Variants in DYNC2I1 observed in about 807,000 individuals in gnomAD.
DYNC2I1 encodes cytoplasmic dynein 2 intermediate chain 1.
Under a neutral mutation model 133.4 loss-of-function variants are expected in DYNC2I1, and 89 were observed. That is an observed-to-expected ratio of 0.67 (90% CI 0.56 to 0.80). The LOEUF (loss-of-function observed/expected upper bound fraction) is 0.80, where lower values mean the gene tolerates loss of function less well. DYNC2I1 is among the 30% of genes least tolerant of loss of function. The pLI, the probability that DYNC2I1 is intolerant of heterozygous loss-of-function variation, is 0.00. For synonymous variants in DYNC2I1, 504 were observed against 484.3 expected, an observed-to-expected ratio of 1.04 and a Z score of -0.54; for missense variants, 1,291 against 1,314.5, an observed-to-expected ratio of 0.98 and a Z score of 0.28.
the DYNC2I1 span, among the ~76,000 whole-genome samples, chr7:158,851,289 T>C: frequency 6.6e-6 from 1 of 152,074 alleles, no homozygotes; most frequent in Admixed American, 6.6e-5. Flanking sequence ...TCACAGCACT[T>C]TGGGAGGCCC....
the DYNC2I1 span, among the ~76,000 whole-genome samples, chr7:158,849,300 A>C: frequency 6.6e-6 from 1 of 152,226 alleles, no homozygotes; most frequent in South Asian, 2.1e-4. Context: ...TGTCATATGA[A>C]AATAGATATT....
Position 158,942,038 on chromosome 7 carries a change from A to G in DYNC2I1, c.2892A>G (p.Pro964=). The G allele has an allele frequency of 6.2e-7, 1 of 1,613,408 alleles. No homozygotes were observed. The highest frequency in any genetic ancestry group is 8.5e-7 in the Non-Finnish European group (1 of 1,179,738). ...CGGTCACCGGCCTGCAGTGGTCCCC[A>G]ACCAGGCCTGCCGTGTTCCTGGTGC... is the stretch of plus-strand genomic sequence containing the variant. ...SHAVTGLQWS[P]TRPAVFLVQD... is the part of the protein sequence containing the mutation. Residue 964 remains proline (P), a synonymous_variant, in exon 24 of 25, where the codon CCA becomes CCG. Coordinates refer to ENST00000407559, the MANE Select transcript of DYNC2I1 (RefSeq NM_018051.5).
chr7:158,925,891 G>A (rs560981956), intron 17 of DYNC2I1, among the ~76,000 whole-genome samples: 5 of 152,162 alleles, frequency 3.3e-5, no homozygotes, highest in African/African-American at 9.6e-5. Context: ...GTTTTCTTTC[G>A]GGCTGTGTGG....
chr7:158,868,587 G>A (rs1842616817), intron 1 of DYNC2I1, among the ~76,000 whole-genome samples: 2 of 152,378 alleles, frequency 1.3e-5, no homozygotes, highest in South Asian at 2.1e-4. Context: ...TGTGCGAGGA[G>A]CTTGGTGTGT....
chr7:158,862,441 A>G (rs1018481504), intron 1 of DYNC2I1, among the ~76,000 whole-genome samples: 6 of 150,238 alleles, frequency 4.0e-5, no homozygotes, highest in South Asian at 2.1e-4. Context: ...ATTTATGGCT[A>G]TTGGCCAGGT....
intron 8 of DYNC2I1, among the ~76,000 whole-genome samples, chr7:158,896,748 C>G (rs1362449477): frequency 6.6e-6 from 1 of 152,124 alleles, no homozygotes; most frequent in African/African-American, 2.4e-5. Context: ...GCTGGGATTA[C>G]AGGTGTGAGC....
At chr7:158,934,285 C>T in intron 22 of DYNC2I1, 57 bp downstream of exon 22, 1 of 1,554,068 alleles carries the variant, frequency 6.4e-7, no homozygotes, top group Non-Finnish European at 8.7e-7. Flanking sequence ...TCCTGACTTA[C>T]CTGATAAATA....
the DYNC2I1 span, among the ~76,000 whole-genome samples, chr7:158,850,740 G>A: frequency 3.3e-5 from 5 of 152,172 alleles, no homozygotes; most frequent in African/African-American, 4.8e-5. Context: ...GCTTGCTTTG[G>A]AATGTTAACT....
intron 13 of DYNC2I1, 30 bp downstream of exon 13, chr7:158,913,126 T>G (rs777201943): frequency 6.8e-7 from 1 of 1,475,230 alleles, no homozygotes; most frequent in South Asian, 1.2e-5. Flanking sequence ...TGTTGACCAT[T>G]GACTCTCTTT....
At chr7:158,898,154 A>G (rs1307607879) in intron 8 of DYNC2I1, among the ~76,000 whole-genome samples, 1 of 152,194 alleles carries the variant, frequency 6.6e-6, no homozygotes, top group Non-Finnish European at 1.5e-5. Flanking sequence ...TTTATGGCCC[A>G]GAATATGGGC....
rs757765020 is a variant in DYNC2I1 at position 158,906,070 on chromosome 7, G to A, written c.1439G>A (p.Arg480Gln). The change falls in exon 11 of 25, where the codon CGG becomes CAG. Residue 480 changes from arginine (R) to glutamine (Q), a missense_variant. Transcript: ENST00000407559. ...FASASHRQKS[R>Q]TQALKQKMRS... Reference sequence around the variant, plus strand: ...TCAGCTTCACACCGTCAAAAGAGTCGGACTCAGGCCCTTAAGCAAAAGTAG... The same window carrying A: ...TCAGCTTCACACCGTCAAAAGAGTCAGACTCAGGCCCTTAAGCAAAAGTAG... 13 of 1,613,416 alleles carry A rather than the reference G, an allele frequency of 8.1e-6. No homozygotes were observed. Among genetic ancestry groups the A allele is most frequent in the African/African-American group, 2.7e-5 (2 of 74,892 alleles).
At chr7:158,855,297 G>A (rs888944488), upstream of DYNC2I1, among the ~76,000 whole-genome samples, 5 of 152,138 alleles carry the variant, frequency 3.3e-5, no homozygotes, top group African/African-American at 1.2e-4. Flanking sequence ...GAGTCAAAGC[G>A]GTCTTCTTGC....
intron 14 of DYNC2I1, among the ~76,000 whole-genome samples, chr7:158,917,265 A>G (rs535791141): frequency 1.7e-5 from 2 of 120,674 alleles, no homozygotes; most frequent in East Asian, 4.0e-4. Context: ...ATTAAGGATG[A>G]TTGTGAAACG....
At chr7:158,949,540 C>T (rs1047408812), downstream of DYNC2I1, among the ~76,000 whole-genome samples, 3 of 152,212 alleles carry the variant, frequency 2.0e-5, no homozygotes, top group African/African-American at 4.8e-5. Flanking sequence ...GGCCCCATGA[C>T]AGCAGAGGCA....
At chr7:158,911,492 A>G (rs1400167603) in intron 11 of DYNC2I1, 58 bp from the exon 12 acceptor site, 3 of 1,575,188 alleles carry the variant, frequency 1.9e-6, no homozygotes, top group Non-Finnish European at 1.7e-6. Context: ...TTCTCCCTAC[A>G]CTTCCCCACG....
chr7:158,917,734 T>C (rs893265650), intron 14 of DYNC2I1, among the ~76,000 whole-genome samples: 2 of 152,052 alleles, frequency 1.3e-5, no homozygotes, highest in African/African-American at 4.8e-5. Flanking sequence ...CCTCTGCCTC[T>C]CACTAAACAC....
intron 3 of DYNC2I1, among the ~76,000 whole-genome samples, chr7:158,875,226 C>T (rs1843245180): frequency 1.3e-5 from 2 of 151,690 alleles, no homozygotes; most frequent in Non-Finnish European, 2.9e-5. Flanking sequence ...TCCTGAGTAC[C>T]TGGGATTACA....
chr7:158,923,040 C>T (rs867763561), intron 16 of DYNC2I1, among the ~76,000 whole-genome samples: 2 of 152,172 alleles, frequency 1.3e-5, no homozygotes, highest in African/African-American at 4.8e-5. Flanking sequence ...TCCCATTCAC[C>T]GCCCAGGAGG....
chr7:158,938,010 T>C (rs918363777), intron 23 of DYNC2I1, among the ~76,000 whole-genome samples: 1 of 152,170 alleles, frequency 6.6e-6, no homozygotes, highest in Non-Finnish European at 1.5e-5. Context: ...CTAAGAATTA[T>C]TGGTATTCAA....
Sources: allele counts gnomAD v4.1 joint callset (sites outside exome capture counted in the v4.1 genomes callset), GRCh38; gene constraint gnomAD v4.1.1; transcripts MANE v1.5; gene names NCBI Gene and HGNC (gene_info 2026-07-23, HGNC 2026-07-21).